The following RIPOR2 variants were observed in gnomAD, a reference collection of about 807,000 sequenced individuals.
RIPOR2 encodes rho family-interacting cell polarization regulator 2.
Under a neutral mutation model 114.5 loss-of-function variants are expected in RIPOR2, and 39 were observed. The ratio of observed to expected loss-of-function variants is 0.34; its 90% CI spans 0.26 to 0.44. The LOEUF (loss-of-function observed/expected upper bound fraction) is 0.44, where lower values mean the gene tolerates loss of function less well. RIPOR2 is among the 20% of genes least tolerant of loss of function. The pLI is 1.00. For synonymous variants in RIPOR2, 445 were observed against 484.4 expected (o/e 0.92, Z 1.07); for missense variants, 1,007 against 1,255.1 (o/e 0.80, Z 2.99).
intron 1 of RIPOR2, among the ~76,000 whole-genome samples, chr6:24,891,579 T>C (rs1292654350): frequency 6.6e-6 from 1 of 152,030 alleles, no homozygotes; most frequent in Non-Finnish European, 1.5e-5. Flanking sequence ...GAACAAATGC[T>C]TATGTATCCG....
chr6:25,041,919 A>G, exon 1 of RIPOR2: 1 of 702,922 alleles, frequency 1.4e-6, no homozygotes, highest in South Asian at 1.5e-5. Context: ...TCGCGAAGGT[A>G]ACACCATGGT....
At chr6:24,944,620 G>T (rs441957) in intron 1 of RIPOR2, among the ~76,000 whole-genome samples, 1 of 151,936 alleles carries the variant, frequency 6.6e-6, no homozygotes, top group Non-Finnish European at 1.5e-5. Context: ...TCAATAGGAA[G>T]TCCCTAATGA....
rs1762698113 is a variant in RIPOR2 at position 24,849,951 on chromosome 6, C to A, written c.886-1G>T. On this transcript the variant is annotated splice_acceptor_variant, in intron 10 of 21. Coordinates refer to ENST00000643898, the MANE Select transcript of RIPOR2 (RefSeq NM_001286445.3). LOFTEE classifies it high-confidence loss of function. ...TTGCTAGCCCTTTGAGCTCCGTGAC[C>A]TAGCAGAGAGAGTGGGAGAGAATAG... 6.2e-7 allele frequency: 1 copy of A among 1,613,128 alleles called. No individual in the cohort carries two copies. The highest frequency in any genetic ancestry group is 8.5e-7 in the Non-Finnish European group (1 of 1,179,350).
In RIPOR2 at chr6:24,844,359, T is replaced by C. The variant is rs569652440; in HGVS notation, c.1165-805A>G. Among the ~76,000 whole-genome samples the C allele has an allele frequency of 1.7e-4, 11 of 63,288 alleles. No homozygotes were observed. In the South Asian group the frequency reaches 6.6e-3, roughly 38 times the overall value. The allele number at this position is 63,288 out of a possible 152,430, so 41.5% of individuals were successfully genotyped here. On this transcript the variant is annotated intron_variant, in intron 12 of 21. Coordinates refer to ENST00000643898, the MANE Select transcript of RIPOR2 (RefSeq NM_001286445.3). ...TTCATTTATTCAGGCATTTCTATTT[T>C]GAAGTCAGCTCTCTTGTGCTGTGGT...
chr6:24,836,830 ACT>A (rs370009616), intron 14 of RIPOR2, among the ~76,000 whole-genome samples: 1,116 of 98,686 alleles, frequency 0.011, 9 homozygotes, highest in Non-Finnish European at 0.02. Context: ...ACACACACAC[ACT>A]CTCTCTCTCT....
chr6:24,910,902 G>A, intron 1 of RIPOR2: 1 of 985,392 alleles, frequency 1.0e-6, no homozygotes, highest in Non-Finnish European at 1.2e-6. Context: ...GCAATGCCCG[G>A]AGCTGCCCGC....
chr6:25,012,100 A>G (rs1368327016), intron 1 of RIPOR2, among the ~76,000 whole-genome samples: 2 of 152,226 alleles, frequency 1.3e-5, no homozygotes, highest in South Asian at 4.1e-4. Context: ...TCCAAAGGAG[A>G]TATGCAAATG....
At chr6:24,877,525 T>C (rs1765920244) in intron 1 of RIPOR2, among the ~76,000 whole-genome samples, 1 of 152,178 alleles carries the variant, frequency 6.6e-6, no homozygotes, top group South Asian at 2.1e-4. Context: ...AAGTAATATG[T>C]AGGGCACAAA....
chr6:24,872,278 G>A (rs1765253104), intron 4 of RIPOR2, among the ~76,000 whole-genome samples: 1 of 152,034 alleles, frequency 6.6e-6, no homozygotes, highest in Admixed American at 6.5e-5. Flanking sequence ...TTCTCATGGT[G>A]GTTACTCCTT....
intron 1 of RIPOR2, among the ~76,000 whole-genome samples, chr6:24,953,987 G>T (rs1296881821): frequency 2.0e-5 from 3 of 152,308 alleles, no homozygotes; most frequent in African/African-American, 7.2e-5. Context: ...CTAGTGATGG[G>T]AAAGAAGGAT....
At chr6:25,034,333 G>A (rs533231733) in intron 1 of RIPOR2, among the ~76,000 whole-genome samples, 1 of 151,686 alleles carries the variant, frequency 6.6e-6, no homozygotes, top group Non-Finnish European at 1.5e-5. Context: ...AGGGTAGGAG[G>A]GGGTAAGGGG....
chr6:25,027,490 A>G (rs989525835), intron 1 of RIPOR2, among the ~76,000 whole-genome samples: 7 of 152,244 alleles, frequency 4.6e-5, no homozygotes. Context: ...CACGCACGGC[A>G]CAGAAGGAAA....
In RIPOR2 at chr6:24,954,654, C is replaced by T. The variant is rs542081413; in HGVS notation, c.77-78837G>A. On this transcript the variant is annotated intron_variant, in intron 1 of 13. Coordinates refer to the RIPOR2 transcript ENST00000510784. ...GTAGAGACAATATCTCACTATATTG[C>T]TCAGGCTGGTCTCGAACTCCTGAGC... Among the ~76,000 whole-genome samples the T allele has an allele frequency of 1.1e-4, 16 of 151,944 alleles. No individual in the cohort carries two copies. In the South Asian group the frequency reaches 3.1e-3, roughly 30 times the overall value.
rs1190557993 is a variant in RIPOR2 at position 24,883,874 on chromosome 6, C to T, written c.62-8057G>A. ...TTCTTTTTCCCCTAACAATGCCATCCTGTTTATGCTCCCCCACATCGTGGT... is the reference window on the plus strand; with the variant it reads ...TTCTTTTTCCCCTAACAATGCCATCTTGTTTATGCTCCCCCACATCGTGGT... On this transcript the variant is annotated intron_variant, in intron 1 of 21. Coordinates refer to ENST00000643898, the MANE Select transcript of RIPOR2 (RefSeq NM_001286445.3). This position sits in a 1 kb window ranked among gnomAD's most constrained non-coding sequence, Gnocchi z 4.1. Among the ~76,000 whole-genome samples, 1 of 152,166 alleles carries T rather than the reference C, an allele frequency of 6.6e-6. No individual in the cohort carries two copies. Among genetic ancestry groups the T allele is most frequent in the African/African-American group, 2.4e-5 (1 of 41,432 alleles).
At chr6:25,007,271 A>G (rs1775596642) in intron 1 of RIPOR2, among the ~76,000 whole-genome samples, 1 of 152,186 alleles carries the variant, frequency 6.6e-6, no homozygotes, top group African/African-American at 2.4e-5. Context: ...CTTCTAGTCC[A>G]CCTGAGTAGT....
intron 1 of RIPOR2, chr6:24,931,996 T>C (rs1179927039): frequency 6.5e-6 from 1 of 152,904 alleles, no homozygotes; most frequent in African/African-American, 2.4e-5. Flanking sequence ...TTTTCCTTTT[T>C]TCAATTGTCA....
At position 24,935,868 on chromosome 6, in the gene RIPOR2, CCAGGAGCTCCT is replaced by C; in HGVS notation, c.20_30del (p.Glu7GlyfsTer3). On this transcript the variant is annotated frameshift_variant, in exon 1 of 22. Coordinates refer to ENST00000643898, the MANE Select transcript of RIPOR2 (RefSeq NM_001286445.3). LOFTEE classifies it high-confidence loss of function. ...CCAAAAACATCATCCTCTTCATCGACCAGGAGCTCCTCAGCATCAAAAAACTGCATCTTGGA... is the reference window on the plus strand; with the variant it reads ...CCAAAAACATCATCCTCTTCATCGACCAGCATCAAAAAACTGCATCTTGGA... 6.5e-7 allele frequency: 1 copy of C among 1,535,512 alleles called. No homozygotes were observed. Among genetic ancestry groups the C allele is most frequent in the Non-Finnish European group, 8.7e-7 (1 of 1,146,766 alleles).
intron 1 of RIPOR2, among the ~76,000 whole-genome samples, chr6:24,964,147 C>CTGTGTGTGTGTGTGTGTGTG (rs70974955): frequency 3.5e-4 from 52 of 146,708 alleles, no homozygotes; most frequent in African/African-American, 1.2e-3. Context: ...GACATTGGCT[C>CTGTGTGTGTGTGTGTGTGTG]TGTGTGTGTG....
At chr6:24,839,392 AGCATTTAAAAAAT>A (rs1350268177) in intron 13 of RIPOR2, 120 bp from the exon 14 acceptor site, 7 of 1,436,222 alleles carry the variant, frequency 4.9e-6, no homozygotes, top group East Asian at 2.5e-5. Flanking sequence ...ATTTTTTGTT[AGCATTTAAAAAAT>A]GCATTTAAAA....
Sources: allele counts gnomAD v4.1 joint callset (sites outside exome capture counted in the v4.1 genomes callset), GRCh38; gene constraint gnomAD v4.1.1; non-coding constraint Gnocchi (gnomAD v3.1); transcripts MANE v1.5; gene names NCBI Gene and HGNC (gene_info 2026-07-23, HGNC 2026-07-21).